Variants in CNTNAP2 observed in about 807,000 individuals in gnomAD.
CNTNAP2 encodes contactin associated protein 2.
In CNTNAP2, 98 loss-of-function variants were observed where a neutral mutation model predicts 155.2. That is an observed-to-expected ratio of 0.63 (90% CI 0.54 to 0.75). The LOEUF is 0.75. CNTNAP2 is among the 30% of genes least tolerant of loss of function. The pLI, the probability that CNTNAP2 is intolerant of heterozygous loss-of-function variation, is 0.00. For synonymous variants in CNTNAP2, 651 were observed against 631.2 expected, an observed-to-expected ratio of 1.03 and a Z score of -0.47; for missense variants, 1,727 against 1,688.1, an observed-to-expected ratio of 1.02 and a Z score of -0.40.
At chr7:147,039,530 T>G (rs888530723) in intron 3 of CNTNAP2, among the ~76,000 whole-genome samples, 1 of 152,220 alleles carries the variant, frequency 6.6e-6, no homozygotes, top group Non-Finnish European at 1.5e-5. Flanking sequence ...CTCATTCTTT[T>G]TTATTGCTGC....
intron 1 of CNTNAP2, among the ~76,000 whole-genome samples, chr7:146,528,076 G>A (rs1377429817): frequency 6.6e-6 from 1 of 152,046 alleles, no homozygotes; most frequent in East Asian, 1.9e-4. Flanking sequence ...TCTTCTCAAA[G>A]AGGGCATTAA....
intron 10 of CNTNAP2, among the ~76,000 whole-genome samples, chr7:147,454,867 A>C (rs1031282298): frequency 6.6e-6 from 1 of 152,080 alleles, no homozygotes; most frequent in Non-Finnish European, 1.5e-5. Flanking sequence ...GACCTTTAAT[A>C]ACACTAGGTC....
chr7:147,553,420 CTT>C (rs1799889860), intron 11 of CNTNAP2, among the ~76,000 whole-genome samples: 1 of 152,192 alleles, frequency 6.6e-6, no homozygotes. Context: ...TCCTATAAGA[CTT>C]AGCATAAAAC....
At position 148,393,337 on chromosome 7, in the gene CNTNAP2, T is replaced by C. The variant is rs1799395809; in HGVS notation, c.3715+9449T>C. On this transcript the variant is annotated intron_variant, in intron 22 of 23. Transcript: ENST00000361727. ...ATTATGTTATTTGTCTTTTTCCCTC[T>C]TCAGTCACCAACACAGTTCACACTT... Among the ~76,000 whole-genome samples the C allele has an allele frequency of 1.3e-5, 2 of 152,190 alleles. 1 individual carries two copies. The highest frequency in any genetic ancestry group is 4.1e-4 in the South Asian group (2 of 4,822).
chr7:146,161,434 A>G (rs1003196171), intron 1 of CNTNAP2, among the ~76,000 whole-genome samples: 3 of 151,928 alleles, frequency 2.0e-5, no homozygotes, highest in African/African-American at 7.2e-5. Flanking sequence ...GATGTAAAAT[A>G]CCTAGGATTC....
At chr7:148,398,679 G>T (rs1348994616) in intron 22 of CNTNAP2, among the ~76,000 whole-genome samples, 1 of 152,130 alleles carries the variant, frequency 6.6e-6, no homozygotes, top group Admixed American at 6.5e-5. Flanking sequence ...TAGACTTAAG[G>T]TGATAAAATG....
intron 1 of CNTNAP2, among the ~76,000 whole-genome samples, chr7:146,350,946 G>A (rs569812343): frequency 7.3e-4 from 108 of 147,536 alleles, no homozygotes; most frequent in African/African-American, 2.6e-3. Context: ...ACCAAACACC[G>A]CATGTTCTCA....
intron 4 of CNTNAP2, among the ~76,000 whole-genome samples, chr7:147,091,109 T>A (rs190408557): frequency 6.6e-6 from 1 of 152,160 alleles, no homozygotes; most frequent in Admixed American, 6.5e-5. Flanking sequence ...ATCAATAGCA[T>A]CATGAACGCC....
At chr7:146,844,955 G>T (rs960248172) in intron 3 of CNTNAP2, among the ~76,000 whole-genome samples, 13 of 152,010 alleles carry the variant, frequency 8.6e-5, no homozygotes, top group African/African-American at 3.1e-4. Context: ...AAATTATATG[G>T]TTAGATACTT....
intron 1 of CNTNAP2, among the ~76,000 whole-genome samples, chr7:146,432,608 G>A (rs563735979): frequency 5.3e-4 from 81 of 152,058 alleles, no homozygotes; most frequent in Non-Finnish European, 9.1e-4. Flanking sequence ...TAGAAAATGA[G>A]GGTTCTAAAA....
Position 147,521,890 on chromosome 7 carries a change from A to G in CNTNAP2, c.1777+35849A>G, listed in dbSNP as rs188329539. On this transcript the variant is annotated intron_variant, in intron 11 of 23. Transcript: ENST00000361727. ...TATATCCCTCATGCAGAACTGAGAGAGTGGTTCAGCTACCAAATACCATCT... is the reference window on the plus strand; with the variant it reads ...TATATCCCTCATGCAGAACTGAGAGGGTGGTTCAGCTACCAAATACCATCT... 2.0e-5 allele frequency among the ~76,000 whole-genome samples: 3 copies of G among 152,240 alleles called. No homozygotes were observed. In the East Asian group the frequency reaches 5.8e-4, roughly 29 times the overall value.
At chr7:146,271,144 T>A (rs752748789) in intron 1 of CNTNAP2, among the ~76,000 whole-genome samples, 4 of 152,124 alleles carry the variant, frequency 2.6e-5, no homozygotes, top group Non-Finnish European at 5.9e-5. Flanking sequence ...ATGTCAGAGG[T>A]ACAAAAGAGT....
At chr7:147,345,116 C>A (rs1795832261) in intron 9 of CNTNAP2, among the ~76,000 whole-genome samples, 1 of 151,934 alleles carries the variant, frequency 6.6e-6, no homozygotes. Context: ...CATAATGCAT[C>A]CTGAAATTTT....
At chr7:147,681,474 G>A (rs1315305821) in intron 13 of CNTNAP2, among the ~76,000 whole-genome samples, 1 of 151,808 alleles carries the variant, frequency 6.6e-6, no homozygotes, top group East Asian at 1.9e-4. Flanking sequence ...GTTTGGTCTA[G>A]GAGAAAAGTT....
At chr7:147,139,612 C>A (rs540097430) in intron 8 of CNTNAP2, among the ~76,000 whole-genome samples, 1 of 152,064 alleles carries the variant, frequency 6.6e-6, no homozygotes, top group Non-Finnish European at 1.5e-5. Context: ...CCTCCCTCAC[C>A]TTTTAATTTT....
At position 146,191,052 on chromosome 7, in the gene CNTNAP2, T is replaced by C. The variant is rs527641385; in HGVS notation, c.97+74079T>C. On this transcript the variant is annotated intron_variant, in intron 1 of 23. Transcript: ENST00000361727. The stretch of plus-strand genomic sequence containing the variant: ...AGGTATTATGTGTATGTAGTATTCT[T>C]TCTGGTCACCAATTATTGGGGGAAC... 3.3e-5 allele frequency among the ~76,000 whole-genome samples: 5 copies of C among 152,274 alleles called. 1 individual carries two copies. The highest frequency in any genetic ancestry group is 7.4e-5 in the Non-Finnish European group (5 of 68,024).
chr7:148,353,372 C>T (rs191232122), intron 21 of CNTNAP2, among the ~76,000 whole-genome samples: 1 of 152,162 alleles, frequency 6.6e-6, no homozygotes, highest in African/African-American at 2.4e-5. Context: ...GATTCATTCC[C>T]CCCAAAACCT....
At chr7:147,296,958 G>T (rs1272481246) in intron 8 of CNTNAP2, among the ~76,000 whole-genome samples, 1 of 152,188 alleles carries the variant, frequency 6.6e-6, no homozygotes, top group African/African-American at 2.4e-5. Context: ...GCAGGTGACA[G>T]CCAGAGTGGG....
chr7:147,056,097 T>C (rs1396789633), intron 4 of CNTNAP2, among the ~76,000 whole-genome samples: 4 of 152,336 alleles, frequency 2.6e-5, no homozygotes, highest in Middle Eastern at 3.4e-3. Context: ...GTTGCATTAA[T>C]TACTAACTTT....
Sources: allele counts gnomAD v4.1 joint callset (sites outside exome capture counted in the v4.1 genomes callset), GRCh38; gene constraint gnomAD v4.1.1; transcripts MANE v1.5; gene names NCBI Gene and HGNC (gene_info 2026-07-23, HGNC 2026-07-21).